Variants in ZSCAN25 observed in about 807,000 individuals in gnomAD.
ZSCAN25 encodes the protein zinc finger and SCAN domain containing 25, also known as zinc finger and SCAN domain-containing protein 25.
A neutral mutation model predicts 38.7 loss-of-function variants in ZSCAN25; 27 were observed. The ratio of observed to expected loss-of-function variants is 0.70; its 90% CI spans 0.51 to 0.96. The LOEUF (loss-of-function observed/expected upper bound fraction) is 0.96, where lower values mean the gene tolerates loss of function less well. ZSCAN25 is among the 40% of genes least tolerant of loss of function. ZSCAN25 has a pLI of 0.00. For synonymous variants in ZSCAN25, 273 were observed against 277.7 expected (o/e 0.98, Z 0.17); for missense variants, 637 against 705.9 (o/e 0.90, Z 1.11).
the ZSCAN25 span, among the ~76,000 whole-genome samples, chr7:99,653,807 C>A: frequency 6.6e-6 from 1 of 152,200 alleles, no homozygotes; most frequent in African/African-American, 2.4e-5. This position sits in a 1 kb window ranked among gnomAD's most constrained non-coding sequence, Gnocchi z 4.2. Flanking sequence ...ATGTACCTAG[C>A]ACTTGGTGTT....
At chr7:99,619,495 A>G (rs1806745288) in intron 3 of ZSCAN25, 66 bp from the exon 4 acceptor site, 2 of 1,258,080 alleles carry the variant, frequency 1.6e-6, no homozygotes, top group African/African-American at 1.5e-5. Flanking sequence ...CTCCAGTGGA[A>G]TATTCCTTGA....
chr7:99,722,942 T>C, the ZSCAN25 span, among the ~76,000 whole-genome samples: 1 of 152,156 alleles, frequency 6.6e-6, no homozygotes, highest in African/African-American at 2.4e-5. Flanking sequence ...GTTTTCCAGC[T>C]TAACATGAAA....
chr7:99,628,593 C>A (rs1807702004), intron 7 of ZSCAN25, among the ~76,000 whole-genome samples: 1 of 152,204 alleles, frequency 6.6e-6, no homozygotes, highest in Admixed American at 6.5e-5. Context: ...CTGCTTCATT[C>A]ATTCAGCCAG....
chr7:99,696,742 A>C, the ZSCAN25 span, among the ~76,000 whole-genome samples: 202 of 152,328 alleles, frequency 1.3e-3, 1 homozygote, highest in African/African-American at 4.5e-3. Flanking sequence ...GCCCCTACGC[A>C]AATCTCATGT....
the ZSCAN25 span, among the ~76,000 whole-genome samples, chr7:99,648,640 T>C: frequency 6.6e-6 from 1 of 151,470 alleles, no homozygotes; most frequent in Non-Finnish European, 1.5e-5. Flanking sequence ...GTGCCAGGCC[T>C]GAGACAAATT....
the ZSCAN25 span, among the ~76,000 whole-genome samples, chr7:99,643,420 C>G: frequency 1.3e-5 from 2 of 152,094 alleles, no homozygotes; most frequent in Non-Finnish European, 2.9e-5. Flanking sequence ...TTACCCATTG[C>G]TGCCCCCCCT....
the ZSCAN25 span, among the ~76,000 whole-genome samples, chr7:99,675,635 TCCTCTCCTCC>T: frequency 5.7e-5 from 1 of 17,690 alleles, no homozygotes; most frequent in Non-Finnish European, 1.3e-4. Flanking sequence ...TTCTCTCCTC[TCCTCTCCTCC>T]CCCCTCCCCT....
At position 99,631,536 on chromosome 7, in the gene ZSCAN25, T is replaced by A; in HGVS notation, c.*1516T>A. On this transcript the variant is annotated 3_prime_UTR_variant, in exon 8 of 8. Coordinates refer to ENST00000394152, the MANE Select transcript of ZSCAN25 (RefSeq NM_145115.3). Reference sequence around the variant, plus strand: ...TTGAACCCTGGCTGAGTGAGTGAGTTTGTCCTTTGTTGATAGTGTCCTATA... The same window carrying A: ...TTGAACCCTGGCTGAGTGAGTGAGTATGTCCTTTGTTGATAGTGTCCTATA... The A allele has an allele frequency of 1.0e-6, 1 of 985,548 alleles. No homozygotes were observed. The highest frequency in any genetic ancestry group is 1.2e-6 in the Non-Finnish European group (1 of 829,952). The allele number at this position is 985,548 out of a possible 1,614,324, so 61.1% of individuals were successfully genotyped here.
the ZSCAN25 span, among the ~76,000 whole-genome samples, chr7:99,656,752 T>C: frequency 3.3e-5 from 5 of 152,220 alleles, no homozygotes; most frequent in Non-Finnish European, 5.9e-5. Flanking sequence ...ATTGCCTCAA[T>C]TTCAGAACCT....
the ZSCAN25 span, chr7:99,714,409 C>T: frequency 7.5e-7 from 1 of 1,333,996 alleles, no homozygotes; most frequent in East Asian, 2.6e-5. Flanking sequence ...GCATTCCTAC[C>T]AAATGAATTA....
At position 99,629,079 on chromosome 7, in the gene ZSCAN25, CAAA is replaced by C; in HGVS notation, c.806-111_806-109del. ...GAAAGCCTGAGTTGAGGTTGTTGGT[CAAA>C]GGAAAAAAGAGAAGGAACCATGAAT... On this transcript the variant is annotated intron_variant, in intron 7 of 7. Coordinates refer to ENST00000394152, the MANE Select transcript of ZSCAN25 (RefSeq NM_145115.3). This position sits in a 1 kb window ranked among gnomAD's most constrained non-coding sequence, Gnocchi z 5.6. 1 of 1,436,828 alleles carries C rather than the reference CAAA, an allele frequency of 7.0e-7. No individual in the cohort carries two copies. 89.0% of individuals were successfully genotyped at this position (1,436,828 alleles called of 1,614,324 possible).
chr7:99,647,573 A>G, the ZSCAN25 span: 1 of 985,266 alleles, frequency 1.0e-6, no homozygotes, highest in Non-Finnish European at 1.2e-6. Context: ...TGTGGTAAAA[A>G]TAATAAATCA....
At chr7:99,706,796 G>A in the ZSCAN25 span, among the ~76,000 whole-genome samples, 1 of 152,152 alleles carries the variant, frequency 6.6e-6, no homozygotes, top group East Asian at 1.9e-4. Context: ...CAAACCAATC[G>A]ACTGCATATC....
chr7:99,636,102 G>A (rs546807254), downstream of ZSCAN25, among the ~76,000 whole-genome samples: 1 of 151,048 alleles, frequency 6.6e-6, no homozygotes, highest in Non-Finnish European at 1.5e-5. Context: ...GTTTCCTCCG[G>A]TTTAGGCATT....
the ZSCAN25 span, chr7:99,707,812 C>T: frequency 1.2e-6 from 2 of 1,613,636 alleles, no homozygotes; most frequent in Admixed American, 1.7e-5. Context: ...ATTGACTGAC[C>T]TGTGTTTCTT....
the ZSCAN25 span, among the ~76,000 whole-genome samples, chr7:99,668,485 A>G: frequency 6.6e-6 from 1 of 151,956 alleles, no homozygotes; most frequent in Non-Finnish European, 1.5e-5. Context: ...TTTTTTTGCA[A>G]TTTTTTTTGT....
the ZSCAN25 span, chr7:99,660,485 G>A: frequency 1.2e-6 from 2 of 1,600,810 alleles, no homozygotes; most frequent in South Asian, 1.1e-5. Context: ...CATCTCCAGG[G>A]GTCATCCCCT....
the ZSCAN25 span, among the ~76,000 whole-genome samples, chr7:99,704,279 T>A: frequency 6.6e-6 from 1 of 152,068 alleles, no homozygotes; most frequent in Non-Finnish European, 1.5e-5. Flanking sequence ...ACAAAATATA[T>A]GTGCTACAAA....
At chr7:99,693,348 G>A in the ZSCAN25 span, among the ~76,000 whole-genome samples, 1 of 152,198 alleles carries the variant, frequency 6.6e-6, no homozygotes, top group Non-Finnish European at 1.5e-5. Context: ...GGCTACAGGG[G>A]GGTCAGGAAC....
Sources: gnomAD v4.1 joint callset for allele counts (sites outside exome capture counted in the v4.1 genomes callset) on GRCh38, gnomAD v4.1.1 for gene constraint, Gnocchi (gnomAD v3.1) non-coding constraint, MANE v1.5 for transcripts, NCBI Gene and HGNC (gene_info 2026-07-23, HGNC 2026-07-21) for gene names.